The following IGSF9 variants were observed in gnomAD, a reference collection of about 807,000 sequenced individuals.
The protein encoded by IGSF9 is immunoglobulin superfamily member 9, also known as protein turtle homolog A.
A neutral mutation model predicts 121.7 loss-of-function variants in IGSF9; 87 were observed. That is an observed-to-expected ratio of 0.71 (90% CI 0.60 to 0.85). IGSF9 has a LOEUF of 0.85. IGSF9 is among the 40% of genes least tolerant of loss of function. The pLI, the probability that IGSF9 is intolerant of heterozygous loss-of-function variation, is 0.00. For synonymous variants in IGSF9, 640 were observed against 648.4 expected (o/e 0.99, Z 0.20); for missense variants, 1,462 against 1,565.3 (o/e 0.93, Z 1.11).
intron 5 of IGSF9, 50 bp downstream of exon 5, chr1:159,936,704 C>T: frequency 1.3e-6 from 2 of 1,598,776 alleles, no homozygotes; most frequent in Non-Finnish European, 1.7e-6. Flanking sequence ...CAGGCCCCCA[C>T]CTTCCCTTCA....
chr1:159,934,566 G>A lies in IGSF9; in HGVS notation c.820C>T (p.Leu274=), dbSNP rs1185303034. The change falls in exon 8 of 21, where the codon CTG becomes TTG. Residue 274 remains leucine, a synonymous_variant. Transcript: ENST00000368094. ...DNINVFHISR[L]QPRVRILVDG... ...ACCAGGATCCGCACCCGGGGCTGCA[G>A]GCGGCTGCAATGTGGCATGTGTGAG... The A allele has an allele frequency of 6.2e-7, 1 of 1,613,798 alleles. No individual in the cohort carries two copies.
At position 159,929,957 on chromosome 1, in the gene IGSF9, G is replaced by T. The variant is rs750667666; in HGVS notation, c.2083C>A (p.Arg695Ser). Residue 695 changes from arginine to serine, a missense_variant, in exon 16 of 21, where the codon CGC (arginine) becomes AGC (serine). By Grantham distance (110) the Arg-to-Ser change is moderately radical (BLOSUM62 -1). This residue lies in a region of IGSF9 where 808 missense variants were observed against 815.2 expected (regional missense o/e 0.99). Transcript: ENST00000368094. ...AAGCTGCCCGCGAAGGCCACGAGGC[G>T]GAACTCGTAGAGAACATCCTGCGAT... ...GLIKDVLYEF[R>S]LVAFAGSFVS... 1 of 1,586,204 alleles carries T rather than the reference G, an allele frequency of 6.3e-7. No homozygotes were observed. The highest frequency in any genetic ancestry group is 1.1e-5 in the South Asian group (1 of 88,390).
intron 19 of IGSF9, 93 bp downstream of exon 19, chr1:159,928,065 G>A (rs1280085876): frequency 1.3e-6 from 2 of 1,508,814 alleles, no homozygotes; most frequent in Non-Finnish European, 1.8e-6. Context: ...CAGGGTGGGA[G>A]TGGAGCAGAG....
At chr1:159,938,963 TC>T (rs2101881610) in intron 3 of IGSF9, among the ~76,000 whole-genome samples, 1 of 152,310 alleles carries the variant, frequency 6.6e-6, no homozygotes, top group South Asian at 2.1e-4. Flanking sequence ...CCTTTTCTCT[TC>T]CTGCACCACC....
Position 159,936,901 on chromosome 1 carries a change from AG to A in IGSF9, c.407del (p.Pro136LeufsTer19). 1 of 1,614,050 alleles carries A rather than the reference AG, an allele frequency of 6.2e-7. No homozygotes were observed. The highest frequency in any genetic ancestry group is 1.1e-5 in the South Asian group (1 of 91,082). On this transcript the variant is annotated frameshift_variant, in exon 5 of 21. Transcript: ENST00000368094. LOFTEE classifies it high-confidence loss of function. The stretch of plus-strand genomic sequence containing the variant: ...CAGCAGGAGGTGTCTCCTGGAATTG[AG>A]GGGGTGCTGCAAGGGAGACAGGCAT... ...SWVHLTVNSP[P>X]QFQETPPAVL...
Position 159,927,097 on chromosome 1 carries a change from C to CAG in IGSF9, c.*246_*247dup, listed in dbSNP as rs1553225973. ...AACTTCACACACACACACACACACA[C>CAG]AGAGAGAGAGAGAGAGAGAGAGAGA... On this transcript the variant is annotated 3_prime_UTR_variant, in exon 21 of 21. Coordinates refer to ENST00000368094, the MANE Select transcript of IGSF9 (RefSeq NM_001135050.2). 0.01 allele frequency: 3,727 copies of CAG among 369,792 alleles called. 13 individuals are homozygous for CAG. The highest frequency in any genetic ancestry group is 0.019 in the South Asian group (499 of 25,986). The allele number at this position is 369,792 out of a possible 1,614,324, so 22.9% of individuals were successfully genotyped here. A position where few individuals can be genotyped will look rare whatever the true frequency, so the allele number is the denominator to read the frequency against.
In IGSF9 at chr1:159,927,495, CAGG is replaced by C; in HGVS notation, c.3387_3389del (p.Leu1130del). 6.2e-7 allele frequency: 1 copy of C among 1,613,952 alleles called. No homozygotes were observed. Among genetic ancestry groups the C allele is most frequent in the Non-Finnish European group, 8.5e-7 (1 of 1,179,954 alleles). Reference sequence around the variant, plus strand: ...CAGGGCCAGTAACATGGGCAGTGTTCAGGAGGCAGCCCTCCTCTGGAGTCTTCA... The same window carrying C: ...CAGGGCCAGTAACATGGGCAGTGTTCAGGCAGCCCTCCTCTGGAGTCTTCA... On this transcript the variant is annotated inframe_deletion, in exon 21 of 21. Transcript: ENST00000368094.
rs748552816 is a variant in IGSF9 at position 159,928,871 on chromosome 1, G to A, written c.2517C>T (p.Pro839=). ...PHPDPPSSRG[P]LPLEPICRGP... Reference sequence around the variant, plus strand: ...CCCGGCAAATGGGCTCCAGAGGTAAGGGTCCCCGGCTAGATGGAGGATCCG... The same window carrying A: ...CCCGGCAAATGGGCTCCAGAGGTAAAGGTCCCCGGCTAGATGGAGGATCCG... The change falls in exon 19 of 21, where the codon CCC becomes CCT. Residue 839 remains proline (P), a synonymous_variant. Coordinates refer to ENST00000368094, the MANE Select transcript of IGSF9 (RefSeq NM_001135050.2). 17 of 1,591,878 alleles carry A rather than the reference G, an allele frequency of 1.1e-5. No homozygotes were observed. Among genetic ancestry groups the A allele is most frequent in the Middle Eastern group, 1.7e-4 (1 of 5,958 alleles).
chr1:159,936,290 G>T, intron 6 of IGSF9, 109 bp downstream of exon 6: 1 of 964,078 alleles, frequency 1.0e-6, no homozygotes, highest in Non-Finnish European at 1.6e-6. Context: ...CACGGGCCCT[G>T]CCCTCAGGCA....
intron 4 of IGSF9, 104 bp downstream of exon 4, chr1:159,937,582 G>T: frequency 1.5e-6 from 2 of 1,336,242 alleles, no homozygotes; most frequent in Non-Finnish European, 2.1e-6. Flanking sequence ...AGAGCTGTTT[G>T]TGGGATGGAA....
chr1:159,942,803 T>G (rs929298295), intron 3 of IGSF9, among the ~76,000 whole-genome samples, 160 bp downstream of exon 3: 2 of 152,038 alleles, frequency 1.3e-5, no homozygotes, highest in Admixed American at 6.6e-5. Flanking sequence ...TTAACACTGC[T>G]TGGGAGCACA....
chr1:159,934,061 C>T, intron 9 of IGSF9, 129 bp downstream of exon 9: 1 of 1,142,218 alleles, frequency 8.8e-7, no homozygotes, highest in Non-Finnish European at 1.2e-6. Flanking sequence ...TCTTATAACA[C>T]AAATTAAATT....
rs758743494 is a variant in IGSF9 at position 159,928,151 on chromosome 1, C to G, written c.3230+7G>C. 1.2e-6 allele frequency: 2 copies of G among 1,604,198 alleles called. No individual in the cohort carries two copies. The highest frequency in any genetic ancestry group is 1.7e-6 in the Non-Finnish European group (2 of 1,179,534). On this transcript the variant is annotated splice_region_variant and intron_variant, in intron 19 of 20. Coordinates refer to ENST00000368094, the MANE Select transcript of IGSF9 (RefSeq NM_001135050.2). The stretch of plus-strand genomic sequence containing the variant: ...CGGAGGCAGGGATGGGCAGGGACTG[C>G]TCTCACCTCTTGCTGACTGTCACCA...
Position 159,928,809 on chromosome 1 carries a change from G to C in IGSF9, c.2579C>G (p.Ala860Gly). The change falls in exon 19 of 21, where the codon GCG (alanine) becomes GGG (glycine). Residue 860 changes from alanine (A) to glycine (G), a missense_variant. Around this residue, in one of 3 missense-constraint regions of IGSF9, gnomAD observed 808 missense variants for 815.2 expected, o/e 0.99. Transcript: ENST00000368094. ...CCGGCCTGACCTTTCCTGGGGGGCC[G>C]CCACAGTGGGCCCCATCACAAAGCG... ...DGRFVMGPTVAAPQERSGREQ... is the reference protein window; with the variant it reads ...DGRFVMGPTVGAPQERSGREQ... 1 of 1,498,168 alleles carries C rather than the reference G, an allele frequency of 6.7e-7. No homozygotes were observed. The highest frequency in any genetic ancestry group is 8.9e-7 in the Non-Finnish European group (1 of 1,122,644). The allele number at this position is 1,498,168 out of a possible 1,614,324, so 92.8% of individuals were successfully genotyped here. A position where few individuals can be genotyped will look rare whatever the true frequency, so the allele number is the denominator to read the frequency against.
In IGSF9 at chr1:159,932,262, T is replaced by C. The variant is rs75494729; in HGVS notation, c.1245+250A>G. 0.079 allele frequency: 46,215 copies of C among 584,210 alleles called. 4,023 individuals carry two copies. Among genetic ancestry groups the C allele is most frequent in the African/African-American group, 0.35 (18,366 of 53,194 alleles). 36.2% of individuals were successfully genotyped at this position (584,210 alleles called of 1,614,324 possible). ...AGGGAGGCAGCACGGTCAAGGTTAG[T>C]GAGAGTTGGGGCAAACAGGATATCT... On this transcript the variant is annotated intron_variant, in intron 10 of 20. Transcript: ENST00000368094. This position sits in a 1 kb window ranked among gnomAD's most constrained non-coding sequence, Gnocchi z 4.1.
Position 159,928,586 on chromosome 1 carries a change from C to G in IGSF9, c.2802G>C (p.Glu934Asp). The change falls in exon 19 of 21, where the codon GAG becomes GAC. Residue 934 changes from glutamate to aspartate, a missense_variant. Glu to Asp is a conservative substitution (Grantham distance 45, BLOSUM62 2). This residue lies in a region of IGSF9 where 808 missense variants were observed against 815.2 expected (regional missense o/e 0.99). Coordinates refer to ENST00000368094, the MANE Select transcript of IGSF9 (RefSeq NM_001135050.2). The part of the protein sequence containing the change: ...LQYLSLPFFR[E>D]MNVDGDWPPL... The stretch of plus-strand genomic sequence containing the variant: ...GGGGCCAGTCCCCATCCACATTCAT[C>G]TCTCGGAAGAAGGGCAGGCTCAGGT... The G allele has an allele frequency of 6.6e-7, 1 of 1,516,270 alleles. No individual in the cohort carries two copies. The highest frequency in any genetic ancestry group is 2.3e-5 in the East Asian group (1 of 43,086). The allele number at this position is 1,516,270 out of a possible 1,614,324, so 93.9% of individuals were successfully genotyped here.
Position 159,932,657 on chromosome 1 carries a change from A to G in IGSF9, c.1105-5T>C, listed in dbSNP as rs1651039535. On this transcript the variant is annotated splice_region_variant and splice_polypyrimidine_tract_variant and intron_variant, in intron 9 of 20. Coordinates refer to ENST00000368094, the MANE Select transcript of IGSF9 (RefSeq NM_001135050.2). The surrounding 1 kb of genome is among the most constrained non-coding windows in gnomAD (Gnocchi z 4.1). ...GCCCTGGGACCAGCCAGGGAACTGG[A>G]AGGAAGAGAAGATGACAGCTAGAGA... 6.2e-7 allele frequency: 1 copy of G among 1,608,556 alleles called. No homozygotes were observed. Among genetic ancestry groups the G allele is most frequent in the East Asian group, 2.2e-5 (1 of 44,784 alleles).
intron 3 of IGSF9, among the ~76,000 whole-genome samples, chr1:159,938,080 G>C (rs940709820): frequency 6.6e-6 from 1 of 152,116 alleles, no homozygotes; most frequent in Non-Finnish European, 1.5e-5. Flanking sequence ...AGAAACCTAG[G>C]GGGACAGCAG....
chr1:159,935,319 C>G (rs903117816), intron 6 of IGSF9, among the ~76,000 whole-genome samples: 2 of 152,180 alleles, frequency 1.3e-5, no homozygotes, highest in African/African-American at 4.8e-5. Flanking sequence ...TGCAACAGCA[C>G]CTGGCTCCTA....
Sources: gnomAD v4.1 joint callset for allele counts (sites outside exome capture counted in the v4.1 genomes callset) on GRCh38, gnomAD v4.1.1 for gene constraint, gnomAD v4.1.1 regional missense constraint, Gnocchi (gnomAD v3.1) non-coding constraint, MANE v1.5 for transcripts, NCBI Gene and HGNC (gene_info 2026-07-23, HGNC 2026-07-21) for gene names.